Variants in DLGAP1 observed in about 807,000 individuals in gnomAD.
DLGAP1 encodes the protein disks large-associated protein 1.
In DLGAP1, 11 loss-of-function variants were observed where a neutral mutation model predicts 90.8. The observed-to-expected ratio is 0.12, with a 90% CI of 0.08 to 0.20. DLGAP1 has a LOEUF of 0.20. DLGAP1 is among the 10% of genes least tolerant of loss of function. DLGAP1 has a pLI of 1.00. For synonymous variants in DLGAP1, 558 were observed against 540.7 expected (o/e 1.03, Z -0.44); for missense variants, 1,050 against 1,333.8 (o/e 0.79, Z 3.31).
rs185593334 is a variant in DLGAP1 at position 4,172,907 on chromosome 18, C to A, written c.-266-21620G>T. On this transcript the variant is annotated intron_variant, in intron 1 of 12. Transcript: ENST00000315677. ...TGAAAGCCACTTTGATTACAATACT[C>A]AAGGCCAAGTGCTTTGAAGCTAAAA... is the stretch of plus-strand genomic sequence containing the variant. Among the ~76,000 whole-genome samples, 279 of 152,332 alleles carry A rather than the reference C, an allele frequency of 1.8e-3. 1 individual carries two copies. Among genetic ancestry groups the A allele is most frequent in the African/African-American group, 5.6e-3 (234 of 41,578 alleles).
chr18:4,317,404 A>G (rs1351312898), intron 1 of DLGAP1, among the ~76,000 whole-genome samples: 1 of 152,206 alleles, frequency 6.6e-6, no homozygotes, highest in Non-Finnish European at 1.5e-5. Flanking sequence ...AAAAAATCAG[A>G]TCCATGATAA....
Position 3,935,783 on chromosome 18 carries a change from C to T in DLGAP1, c.-72-55643G>A, listed in dbSNP as rs534357467. ...TGTCATGATCAGAGAAGTTGATAAC[C>T]GGCCTAGGGTAACAGAGCTAGTGTT... On this transcript the variant is annotated intron_variant, in intron 3 of 12. Transcript: ENST00000315677. Among the ~76,000 whole-genome samples, 13 of 152,222 alleles carry T rather than the reference C, an allele frequency of 8.5e-5. No individual in the cohort carries two copies. The South Asian group carries it at 2.1e-3, about 24-fold the overall frequency.
chr18:4,131,473 C>G (rs60034347), intron 2 of DLGAP1, among the ~76,000 whole-genome samples: 1,761 of 152,272 alleles, frequency 0.012, 46 homozygotes, highest in African/African-American at 0.039. Context: ...TGCCAGTACC[C>G]TACTTGGCTT....
intron 1 of DLGAP1, among the ~76,000 whole-genome samples, chr18:4,213,379 T>A (rs1428340231): frequency 6.6e-6 from 1 of 152,042 alleles, no homozygotes; most frequent in Non-Finnish European, 1.5e-5. Context: ...TGAAGTAACA[T>A]CGAGTCAGGA....
intron 7 of DLGAP1, among the ~76,000 whole-genome samples, chr18:3,628,176 T>C (rs1245178853): frequency 6.7e-6 from 1 of 149,192 alleles, no homozygotes; most frequent in Non-Finnish European, 1.5e-5. Context: ...GCGCCTGGCC[T>C]TGTGCTATAT....
At chr18:3,752,556 T>A (rs1356096796) in intron 5 of DLGAP1, among the ~76,000 whole-genome samples, 3 of 105,780 alleles carry the variant, frequency 2.8e-5, no homozygotes. Flanking sequence ...CCTCCCTTCC[T>A]TCCTTCTCTT....
chr18:3,671,288 C>T lies in DLGAP1; in HGVS notation c.1591+57847G>A, dbSNP rs1246847879. Among the ~76,000 whole-genome samples, 7 of 152,112 alleles carry T rather than the reference C, an allele frequency of 4.6e-5. 1 individual carries two copies. The South Asian group carries it at 1.0e-3, about 23-fold the overall frequency. ...CTCATGGTTGCCTAGGATCATAACA[C>T]CCCTATCTCTCTCTCTCTTTACAGT... On this transcript the variant is annotated intron_variant, in intron 7 of 12. Coordinates refer to ENST00000315677, the MANE Select transcript of DLGAP1 (RefSeq NM_004746.4).
At chr18:4,239,716 C>G (rs1055725797) in intron 1 of DLGAP1, among the ~76,000 whole-genome samples, 1 of 152,158 alleles carries the variant, frequency 6.6e-6, no homozygotes, top group Admixed American at 6.5e-5. Flanking sequence ...GATTTAAAAT[C>G]AAACTATACA....
At chr18:4,150,975 A>G (rs923679420) in intron 2 of DLGAP1, among the ~76,000 whole-genome samples, 1 of 152,230 alleles carries the variant, frequency 6.6e-6, no homozygotes, top group Non-Finnish European at 1.5e-5. Flanking sequence ...TCTGGCCTAG[A>G]TTCTGTACAG....
chr18:3,790,290 C>G (rs1037034621), intron 5 of DLGAP1, among the ~76,000 whole-genome samples: 1 of 145,648 alleles, frequency 6.9e-6, no homozygotes, highest in East Asian at 2.0e-4. Flanking sequence ...TTTTTTGAGA[C>G]AGGATCTTAC....
intron 2 of DLGAP1, among the ~76,000 whole-genome samples, chr18:4,111,375 G>A (rs2075969461): frequency 6.6e-6 from 1 of 151,894 alleles, no homozygotes; most frequent in South Asian, 2.1e-4. Flanking sequence ...GAGTTTTGTT[G>A]TTTTTTTCCT....
intron 4 of DLGAP1, among the ~76,000 whole-genome samples, chr18:3,847,587 T>C (rs2069089565): frequency 6.6e-6 from 1 of 151,978 alleles, no homozygotes; most frequent in Non-Finnish European, 1.5e-5. Flanking sequence ...ATCAAGAGCA[T>C]GAAAGGGCAG....
At chr18:4,086,341 T>C (rs62087443) in intron 2 of DLGAP1, among the ~76,000 whole-genome samples, 43,340 of 152,154 alleles carry the variant, frequency 0.28, 6,545 homozygotes, top group African/African-American at 0.33. Context: ...AAAAAAACTG[T>C]GCTCTAAACC....
At chr18:3,858,836 G>A (rs1245724638) in intron 4 of DLGAP1, among the ~76,000 whole-genome samples, 1 of 152,088 alleles carries the variant, frequency 6.6e-6, no homozygotes, top group African/African-American at 2.4e-5. Flanking sequence ...CACAAGAAAG[G>A]AACACTCCTT....
intron 1 of DLGAP1, among the ~76,000 whole-genome samples, chr18:4,216,560 T>C (rs2077961237): frequency 6.6e-6 from 1 of 152,144 alleles, no homozygotes; most frequent in South Asian, 2.1e-4. Flanking sequence ...TGAGTAAATA[T>C]ATCCTAGCTT....
At chr18:4,063,924 C>A (rs2075335766) in intron 2 of DLGAP1, among the ~76,000 whole-genome samples, 1 of 152,058 alleles carries the variant, frequency 6.6e-6, no homozygotes, top group African/African-American at 2.4e-5. Flanking sequence ...CAATCCACCT[C>A]ATGTCAGCAA....
intron 1 of DLGAP1, among the ~76,000 whole-genome samples, chr18:4,210,461 G>A (rs1486784760): frequency 6.6e-6 from 1 of 152,184 alleles, no homozygotes; most frequent in African/African-American, 2.4e-5. Flanking sequence ...AGACTCAAGA[G>A]TTATCATTAA....
intron 8 of DLGAP1, among the ~76,000 whole-genome samples, chr18:3,567,919 A>G (rs1350826962): frequency 2.0e-5 from 3 of 151,746 alleles, no homozygotes; most frequent in East Asian, 1.9e-4. Flanking sequence ...TTTTTTTTCT[A>G]ATAGAGTTTC....
intron 2 of DLGAP1, among the ~76,000 whole-genome samples, chr18:4,073,321 C>A (rs1472039600): frequency 6.6e-6 from 1 of 152,124 alleles, no homozygotes; most frequent in Admixed American, 6.6e-5. Flanking sequence ...AGGTAAAAAT[C>A]TACGCAAGCC....
Sources: allele counts gnomAD v4.1 joint callset (sites outside exome capture counted in the v4.1 genomes callset), GRCh38; gene constraint gnomAD v4.1.1; transcripts MANE v1.5; gene names NCBI Gene and HGNC (gene_info 2026-07-23, HGNC 2026-07-21).